ZNF831: variants seen among roughly 807,000 people sequenced by gnomAD.
The protein encoded by ZNF831 is chromosome 20 open reading frame 174.
A neutral mutation model predicts 95.8 loss-of-function variants in ZNF831; 59 were observed. That is an observed-to-expected ratio of 0.62 (90% CI 0.50 to 0.77). The LOEUF (loss-of-function observed/expected upper bound fraction) is 0.77, where lower values mean the gene tolerates loss of function less well. ZNF831 is among the 30% of genes least tolerant of loss of function. ZNF831 has a pLI of 0.00. For synonymous variants in ZNF831, 961 were observed against 925.5 expected (o/e 1.04, Z -0.70); for missense variants, 2,205 against 2,164.0 (o/e 1.02, Z -0.38).
At position 59,191,824 on chromosome 20, in the gene ZNF831, C is replaced by T. The variant is rs201317948; in HGVS notation, c.805C>T (p.Pro269Ser). The T allele has an allele frequency of 3.8e-5, 61 of 1,613,462 alleles. No individual in the cohort carries two copies. In the Admixed American group the frequency reaches 5.2e-4, roughly 14 times the overall value. ...TGTGAGGACCGAAGCTGCTCCCTGT[C>T]CAGGGTCCGCATTTGCCGACAGAGA... The part of the protein sequence containing the change: ...LDVRTEAAPC[P>S]GSAFADREAP... The change falls in exon 2 of 6, where the codon CCA (proline) becomes TCA (serine). Residue 269 changes from proline to serine, a missense_variant. By Grantham distance (74) the Pro-to-Ser change is moderately conservative. Transcript: ENST00000371030.
chr20:59,163,152 C>A (rs1323601759), upstream of ZNF831, among the ~76,000 whole-genome samples: 1 of 151,610 alleles, frequency 6.6e-6, no homozygotes, highest in African/African-American at 2.4e-5. Flanking sequence ...TTTTTGTATC[C>A]TTAAACTACT....
rs1458275748 is a variant in ZNF831, at chr20:59,191,872, A to G, written c.853A>G (p.Met285Val). Residue 285 changes from methionine (M) to valine (V), a missense_variant, in exon 2 of 6, where the codon ATG (methionine) becomes GTG (valine). Coordinates refer to ENST00000371030, the MANE Select transcript of ZNF831 (RefSeq NM_178457.3). ...AGAGGCTCCTTGGGACTCTGCCCCC[A>G]TGGCGTCACCTGGGCTCCCAGCGGC... ...DREAPWDSAPMASPGLPAAST... is the reference protein window; with the variant it reads ...DREAPWDSAPVASPGLPAAST... The G allele has an allele frequency of 1.2e-6, 2 of 1,613,042 alleles. No individual in the cohort carries two copies. The highest frequency in any genetic ancestry group is 2.2e-5 in the East Asian group (1 of 44,832).
At chr20:59,241,441 G>A (rs1987331418) in intron 4 of ZNF831, among the ~76,000 whole-genome samples, 1 of 151,974 alleles carries the variant, frequency 6.6e-6, no homozygotes, top group Non-Finnish European at 1.5e-5. Context: ...GAAATCTTGA[G>A]AAAAGAAGCC....
In ZNF831 at chr20:59,169,114, C is replaced by T. The variant is rs745501601; in HGVS notation, c.-37+4907C>T. ...CTTTTCTGTTTTCCGGATAAAGTTGCGTCGAATTTGTGTTAATTCTTCTTT... is the reference window on the plus strand; with the variant it reads ...CTTTTCTGTTTTCCGGATAAAGTTGTGTCGAATTTGTGTTAATTCTTCTTT... On this transcript the variant is annotated intron_variant, in intron 1 of 5. Transcript: ENST00000371030. The surrounding 1 kb of genome is among the most constrained non-coding windows in gnomAD (Gnocchi z 4.1). Among the ~76,000 whole-genome samples the T allele has an allele frequency of 6.9e-4, 105 of 152,282 alleles. No individual in the cohort carries two copies. The highest frequency in any genetic ancestry group is 1.8e-3 in the African/African-American group (73 of 41,540).
intron 4 of ZNF831, among the ~76,000 whole-genome samples, chr20:59,218,496 G>T (rs1985854640): frequency 3.3e-5 from 5 of 152,144 alleles, no homozygotes; most frequent in Admixed American, 3.3e-4. Context: ...TTCAAGCTCA[G>T]CTGGGTTCAG....
At chr20:59,131,604 A>G (rs1161848704) in intron 1 of ZNF831, among the ~76,000 whole-genome samples, 1 of 152,190 alleles carries the variant, frequency 6.6e-6, no homozygotes, top group East Asian at 1.9e-4. Context: ...TACAGACCCC[A>G]GCCCCGTGCA....
chr20:59,204,725 C>G (rs1291589446), intron 3 of ZNF831, among the ~76,000 whole-genome samples: 1 of 152,130 alleles, frequency 6.6e-6, no homozygotes, highest in Non-Finnish European at 1.5e-5. Context: ...ACCCTCACAG[C>G]CGGGTGCGGA....
At position 59,185,846 on chromosome 20, in the gene ZNF831, C is replaced by G. The variant is rs79006447; in HGVS notation, c.-36-5138C>G. ...GGGGGATCAGGACAGGAGGCTTGTA[C>G]TCATCCAGTTTCCTTAGGGTTTGGG... is the stretch of plus-strand genomic sequence containing the variant. On this transcript the variant is annotated intron_variant, in intron 1 of 5. Transcript: ENST00000371030. 6.3e-3 allele frequency among the ~76,000 whole-genome samples: 957 copies of G among 152,330 alleles called. 8 individuals carry two copies. Among genetic ancestry groups the G allele is most frequent in the African/African-American group, 0.022 (912 of 41,564 alleles).
intron 1 of ZNF831, among the ~76,000 whole-genome samples, chr20:59,139,475 G>C (rs911492623): frequency 6.6e-6 from 1 of 152,118 alleles, no homozygotes; most frequent in African/African-American, 2.4e-5. Context: ...GGCTCTTAGA[G>C]TCCACAGTGT....
At chr20:59,211,034 C>T (rs1157935658) in intron 4 of ZNF831, among the ~76,000 whole-genome samples, 4 of 65,892 alleles carry the variant, frequency 6.1e-5, no homozygotes, top group African/African-American at 6.0e-4. Context: ...AGCGAGACTC[C>T]GTCTCAAAAA....
At chr20:59,187,315 C>T (rs1259311064) in intron 1 of ZNF831, among the ~76,000 whole-genome samples, 1 of 152,044 alleles carries the variant, frequency 6.6e-6, no homozygotes, top group Non-Finnish European at 1.5e-5. Context: ...GACGTGGAGC[C>T]CTCATGAGTG....
chr20:59,203,837 C>G (rs186048249), intron 3 of ZNF831, among the ~76,000 whole-genome samples: 4 of 152,056 alleles, frequency 2.6e-5, no homozygotes, highest in Non-Finnish European at 4.4e-5. Flanking sequence ...AATGGAAAAA[C>G]GCAGAAAATT....
chr20:59,239,542 G>C (rs1211306039), intron 4 of ZNF831, among the ~76,000 whole-genome samples: 2 of 140,480 alleles, frequency 1.4e-5, no homozygotes, highest in African/African-American at 5.3e-5. Context: ...CTTTCTTTCT[G>C]TAAACACTTT....
intron 4 of ZNF831, among the ~76,000 whole-genome samples, chr20:59,239,937 GA>G (rs981049860): frequency 1.6e-4 from 25 of 152,234 alleles, no homozygotes; most frequent in African/African-American, 5.5e-4. Context: ...TCTCACTCAA[GA>G]AAATACCCAG....
chr20:59,235,912 TG>T (rs1211562415), intron 4 of ZNF831, among the ~76,000 whole-genome samples: 10 of 152,206 alleles, frequency 6.6e-5, no homozygotes, highest in African/African-American at 2.2e-4. Context: ...CAGACAGCCT[TG>T]GGTCCTCACA....
At chr20:59,153,535 T>C (rs1170403395) in intron 2 of ZNF831, among the ~76,000 whole-genome samples, 1 of 152,218 alleles carries the variant, frequency 6.6e-6, no homozygotes, top group Non-Finnish European at 1.5e-5. Flanking sequence ...CCTGGCAGCC[T>C]GGGTGCCCCG....
intron 4 of ZNF831, among the ~76,000 whole-genome samples, chr20:59,222,332 A>AC (rs1436321008): frequency 1.3e-5 from 2 of 151,366 alleles, no homozygotes; most frequent in African/African-American, 4.9e-5. Context: ...CGCTCCCGAG[A>AC]CCCCCCTACC....
At position 59,253,027 on chromosome 20, in the gene ZNF831, T is replaced by G; in HGVS notation, c.4077T>G (p.Pro1359=). ...EPSCATSESP[P]CCGKEEKKEG... is the part of the protein sequence containing the mutation. ...CTTGTGCCACCTCAGAATCACCTCC[T>G]TGTTGTGGGAAGGAAGAGAAGAAGG... The change falls in exon 5 of 6, where the codon CCT becomes CCG. Residue 1359 remains proline, a synonymous_variant. Transcript: ENST00000371030. 1 of 1,614,082 alleles carries G rather than the reference T, an allele frequency of 6.2e-7. No individual in the cohort carries two copies. Among genetic ancestry groups the G allele is most frequent in the Non-Finnish European group, 8.5e-7 (1 of 1,179,974 alleles).
At chr20:59,171,529 C>T (rs897354413) in intron 1 of ZNF831, among the ~76,000 whole-genome samples, 39 of 152,150 alleles carry the variant, frequency 2.6e-4, no homozygotes, top group African/African-American at 8.2e-4. Flanking sequence ...CTCACTTGTT[C>T]GAAATGAGCA....
Sources: allele counts gnomAD v4.1 joint callset (sites outside exome capture counted in the v4.1 genomes callset), GRCh38; gene constraint gnomAD v4.1.1; non-coding constraint Gnocchi (gnomAD v3.1); transcripts MANE v1.5; gene names NCBI Gene and HGNC (gene_info 2026-07-23, HGNC 2026-07-21).